Variants in DDX60L observed in about 807,000 individuals in gnomAD.
DDX60L encodes probable ATP-dependent RNA helicase DDX60-like.
Under a neutral mutation model 211.6 loss-of-function variants are expected in DDX60L, and 191 were observed. The observed-to-expected ratio is 0.90, with a 90% CI of 0.80 to 1.02. The LOEUF is 1.02. DDX60L is among the 50% of genes least tolerant of loss of function. The pLI is 0.00. For missense variants in DDX60L, 2,007 were observed against 1,984.1 expected (o/e 1.01, Z -0.22); for synonymous variants, 706 against 694.1 (o/e 1.02, Z -0.27).
At chr4:168,399,317 C>T (rs886169437) in intron 26 of DDX60L, among the ~76,000 whole-genome samples, 1 of 152,152 alleles carries the variant, frequency 6.6e-6, no homozygotes, top group Non-Finnish European at 1.5e-5. Context: ...GCTGTGATAA[C>T]TTCTTTGGGG....
At position 168,391,587 on chromosome 4, in the gene DDX60L, C is replaced by T. The variant is rs762498648; in HGVS notation, c.3868G>A (p.Val1290Ile). ...LGIHMPCKSV[V>I]FAQDSVYLDA... is the part of the protein sequence containing the mutation. ...AGATAGACTGAGTCTTGGGCAAAAACAACAGATTTGCATGGCATGTGGATC... is the reference window on the plus strand; with the variant it reads ...AGATAGACTGAGTCTTGGGCAAAAATAACAGATTTGCATGGCATGTGGATC... The change falls in exon 29 of 38, where the codon GTT becomes ATT. Residue 1290 changes from valine (V) to isoleucine (I), a missense_variant. Transcript: ENST00000682922. 3 of 1,599,622 alleles carry T rather than the reference C, an allele frequency of 1.9e-6. No individual in the cohort carries two copies. Among genetic ancestry groups the T allele is most frequent in the South Asian group, 2.2e-5 (2 of 89,566 alleles).
At chr4:168,382,129 A>T (rs926169789) in intron 30 of DDX60L, among the ~76,000 whole-genome samples, 8 of 152,226 alleles carry the variant, frequency 5.3e-5, no homozygotes, top group Non-Finnish European at 8.8e-5. Flanking sequence ...TGGTAACCTT[A>T]CAATGATATT....
chr4:168,468,560 A>G (rs1292297732), intron 4 of DDX60L, among the ~76,000 whole-genome samples: 1 of 152,220 alleles, frequency 6.6e-6, no homozygotes, highest in African/African-American at 2.4e-5. Flanking sequence ...AATAATGGAT[A>G]CTTTCCCTTT....
In DDX60L at chr4:168,453,183, C is replaced by A. The variant is rs573413892; in HGVS notation, c.937G>T (p.Ala313Ser). 1.9e-6 allele frequency: 3 copies of A among 1,613,410 alleles called. No homozygotes were observed. Among genetic ancestry groups the A allele is most frequent in the Non-Finnish European group, 2.5e-6 (3 of 1,179,580 alleles). The change falls in exon 8 of 38, where the codon GCT (alanine) becomes TCT (serine). Residue 313 changes from alanine to serine, a missense_variant. Ala to Ser is a moderately conservative substitution (Grantham distance 99). Transcript: ENST00000682922. ...FQLHLPLSQR[A>S]CSRVITCSWI... ...GAGCATGTGATGACTCGAGAACAAG[C>A]TCTCTGAGAAAGGGGTAAGTGGAGT...
chr4:168,374,720 C>T (rs1057345808), intron 34 of DDX60L, among the ~76,000 whole-genome samples: 3 of 152,164 alleles, frequency 2.0e-5, no homozygotes, highest in Admixed American at 2.0e-4. Context: ...AATAGTGACA[C>T]GTAGCTAGCT....
chr4:168,432,242 T>G (rs900498096), intron 12 of DDX60L, among the ~76,000 whole-genome samples: 4 of 147,892 alleles, frequency 2.7e-5, no homozygotes, highest in South Asian at 2.1e-4. Flanking sequence ...TATATATATA[T>G]TGTGTGTGTG....
At chr4:168,377,527 C>T (rs1396540538) in intron 33 of DDX60L, among the ~76,000 whole-genome samples, 1 of 151,890 alleles carries the variant, frequency 6.6e-6, no homozygotes. Context: ...AATCAAAGAT[C>T]CTGGCTTTCT....
In DDX60L at chr4:168,420,355, G is replaced by T. The variant is rs1267248656; in HGVS notation, c.2420C>A (p.Thr807Asn). ...AKSLVGQVAA[T>N]VENRFTKTLP... ...CGTTTTAGTAAAACGATTCTCAACAGTTGCAGCCACTTGACCAACAAGGGA... is the reference window on the plus strand; with the variant it reads ...CGTTTTAGTAAAACGATTCTCAACATTTGCAGCCACTTGACCAACAAGGGA... The change falls in exon 18 of 38, where the codon ACT becomes AAT. Residue 807 changes from threonine (T) to asparagine (N), a missense_variant. Thr to Asn is a moderately conservative substitution (Grantham distance 65). Transcript: ENST00000682922. 1.2e-6 allele frequency: 2 copies of T among 1,610,790 alleles called. No individual in the cohort carries two copies. The highest frequency in any genetic ancestry group is 3.4e-5 in the Admixed American group (2 of 58,968).
At chr4:168,390,338 G>C in intron 29 of DDX60L, 1 of 1,164,464 alleles carries the variant, frequency 8.6e-7, no homozygotes, top group Middle Eastern at 3.4e-4. Flanking sequence ...AAAAATTCCA[G>C]CTCAGGGACT....
intron 20 of DDX60L, 114 bp from the exon 21 acceptor site, chr4:168,415,913 T>G: frequency 1.0e-6 from 1 of 994,244 alleles, no homozygotes; most frequent in Non-Finnish European, 1.4e-6. Flanking sequence ...GCATGCCCTC[T>G]CAATTTAAAC....
chr4:168,362,434 A>T (rs35862409), intron 36 of DDX60L, among the ~76,000 whole-genome samples: 4,071 of 152,330 alleles, frequency 0.027, 76 homozygotes, highest in Non-Finnish European at 0.046. Context: ...ACTACTGCAC[A>T]GCTGGCTGGC....
At position 168,416,795 on chromosome 4, in the gene DDX60L, G is replaced by A; in HGVS notation, c.2613C>T (p.Val871=). The A allele has an allele frequency of 2.0e-6, 3 of 1,526,812 alleles. No homozygotes were observed. Among genetic ancestry groups the A allele is most frequent in the Non-Finnish European group, 2.7e-6 (3 of 1,131,818 alleles). 94.6% of individuals were successfully genotyped at this position (1,526,812 alleles called of 1,614,324 possible). Residue 871 remains valine (V), a splice_region_variant and synonymous_variant, in exon 20 of 38, where the codon GTC becomes GTT. Transcript: ENST00000682922. Reference sequence around the variant, plus strand: ...CTCCAACTTCTCTGCCAAGATAATGGACCTAGTAAAGAAAAAAAAATCAGT... The same window carrying A: ...CTCCAACTTCTCTGCCAAGATAATGAACCTAGTAAAGAAAAAAAAATCAGT... ...ERIRYVIFDE[V]HYLGREVGAK... is the part of the protein sequence containing the mutation.
At chr4:168,388,806 G>T (rs1744314271) in intron 29 of DDX60L, among the ~76,000 whole-genome samples, 1 of 152,164 alleles carries the variant, frequency 6.6e-6, no homozygotes, top group Non-Finnish European at 1.5e-5. Context: ...AGTCCCAGCA[G>T]GGGAGGGGCA....
intron 3 of DDX60L, 91 bp from the exon 4 acceptor site, chr4:168,472,027 T>TAA: frequency 9.3e-7 from 1 of 1,070,242 alleles, no homozygotes; most frequent in East Asian, 2.6e-5. Flanking sequence ...AAGCTACTGT[T>TAA]TGTTGAGTAC....
intron 30 of DDX60L, among the ~76,000 whole-genome samples, chr4:168,382,137 A>G (rs1313125746): frequency 6.6e-6 from 1 of 152,192 alleles, no homozygotes; most frequent in Non-Finnish European, 1.5e-5. Context: ...TTACAATGAT[A>G]TTTTATTAAA....
intron 6 of DDX60L, 68 bp downstream of exon 6, chr4:168,457,824 A>C: frequency 1.0e-6 from 1 of 960,200 alleles, no homozygotes; most frequent in African/African-American, 1.6e-5. Context: ...GACTGAACTA[A>C]TCACAAGTTC....
intron 3 of DDX60L, 106 bp downstream of exon 3, chr4:168,472,349 G>A (rs1758900162): frequency 2.4e-6 from 2 of 838,112 alleles, no homozygotes; most frequent in East Asian, 2.7e-5. Context: ...GCTGCTCCAA[G>A]ATAAATAGGT....
At chr4:168,427,870 A>T (rs1461261849) in intron 13 of DDX60L, among the ~76,000 whole-genome samples, 1 of 152,186 alleles carries the variant, frequency 6.6e-6, no homozygotes, top group Non-Finnish European at 1.5e-5. Context: ...CCCTAACTAG[A>T]TCAAACATTT....
rs1184906615 is a variant in DDX60L, at chr4:168,357,951, A to C, written c.*196T>G. 4.2e-6 allele frequency: 2 copies of C among 470,940 alleles called. No individual in the cohort carries two copies. The highest frequency in any genetic ancestry group is 8.2e-5 in the Admixed American group (2 of 24,532). 29.2% of individuals were successfully genotyped at this position (470,940 alleles called of 1,614,324 possible). On this transcript the variant is annotated 3_prime_UTR_variant, in exon 38 of 38. Coordinates refer to ENST00000682922, the MANE Select transcript of DDX60L (RefSeq NM_001012967.3). ...TATTCATTTTTACTCCGGTTTTGCC[A>C]AAAATGAAGTTAAAGCTCAGATATA...
Sources: allele counts gnomAD v4.1 joint callset (sites outside exome capture counted in the v4.1 genomes callset), GRCh38; gene constraint gnomAD v4.1.1; transcripts MANE v1.5; gene names NCBI Gene and HGNC (gene_info 2026-07-23, HGNC 2026-07-21).